Variants in CSMD1 observed in about 807,000 individuals in gnomAD.
The protein encoded by CSMD1 is CUB and Sushi multiple domains 1.
CSMD1 carries 213 observed loss-of-function variants against 417.5 expected under a neutral mutation model. That is an observed-to-expected ratio of 0.51 (90% CI 0.46 to 0.57). CSMD1 has a LOEUF of 0.57. CSMD1 is among the 20% of genes least tolerant of loss of function. CSMD1 has a pLI of 0.00. For synonymous variants in CSMD1, 2,862 were observed against 1,736.8 expected (o/e 1.65, Z -16.11); for missense variants, 6,923 against 4,529.7 (o/e 1.53, Z -15.17).
chr8:3,574,861 C>T (rs1003442676), intron 10 of CSMD1, 84 bp downstream of exon 10: 1 of 1,451,636 alleles, frequency 6.9e-7, no homozygotes, highest in Non-Finnish European at 9.4e-7. Context: ...GCACGGATAG[C>T]ATTTGCTGGG....
intron 5 of CSMD1, among the ~76,000 whole-genome samples, chr8:3,757,938 C>G (rs1191748904): frequency 6.6e-6 from 1 of 152,026 alleles, no homozygotes; most frequent in Non-Finnish European, 1.5e-5. Flanking sequence ...TAGTGTAATT[C>G]AGGTTTAAAA....
At chr8:3,672,982 T>C (rs936197689) in intron 7 of CSMD1, among the ~76,000 whole-genome samples, 1 of 152,352 alleles carries the variant, frequency 6.6e-6, no homozygotes, top group East Asian at 1.9e-4. Flanking sequence ...TTATTGTAAG[T>C]ACTTGTGTTG....
intron 7 of CSMD1, among the ~76,000 whole-genome samples, chr8:3,682,532 T>C (rs968561805): frequency 1.3e-5 from 2 of 152,194 alleles, no homozygotes; most frequent in East Asian, 1.9e-4. Context: ...CATTAAAAAG[T>C]CAGGAAACAA....
At chr8:4,247,041 T>G (rs1270789634) in intron 3 of CSMD1, among the ~76,000 whole-genome samples, 2 of 152,156 alleles carry the variant, frequency 1.3e-5, no homozygotes, top group South Asian at 4.1e-4. Flanking sequence ...ATTCAAAACC[T>G]TAAAATATAA....
chr8:3,471,649 C>CCT (rs1817110422), intron 11 of CSMD1, among the ~76,000 whole-genome samples: 1 of 140,392 alleles, frequency 7.1e-6, no homozygotes, highest in African/African-American at 2.6e-5. Flanking sequence ...TTCTTCCTCT[C>CCT]TCCTTCCTTC....
At chr8:4,815,905 G>C (rs1471004054) in intron 1 of CSMD1, among the ~76,000 whole-genome samples, 5 of 152,034 alleles carry the variant, frequency 3.3e-5, no homozygotes, top group East Asian at 1.9e-4. Flanking sequence ...TCTCATCTAG[G>C]CTTTCTAGGA....
At chr8:3,991,834 T>C (rs1421294917) in intron 5 of CSMD1, among the ~76,000 whole-genome samples, 3 of 152,208 alleles carry the variant, frequency 2.0e-5, no homozygotes, top group Non-Finnish European at 4.4e-5. Flanking sequence ...GCTTTTTGGA[T>C]GGTTGAATAT....
chr8:4,811,817 G>C (rs575302555), intron 1 of CSMD1, among the ~76,000 whole-genome samples: 2 of 152,014 alleles, frequency 1.3e-5, no homozygotes, highest in South Asian at 4.2e-4. Context: ...ATAGACATAG[G>C]AAAAGATGTG....
At chr8:3,963,663 G>C (rs1447480657) in intron 5 of CSMD1, among the ~76,000 whole-genome samples, 1 of 152,162 alleles carries the variant, frequency 6.6e-6, no homozygotes, top group Non-Finnish European at 1.5e-5. Flanking sequence ...ATGTGCGTAT[G>C]ATTTTGTATG....
At chr8:4,225,095 G>A (rs1017250438) in intron 3 of CSMD1, among the ~76,000 whole-genome samples, 1 of 152,172 alleles carries the variant, frequency 6.6e-6, no homozygotes, top group Admixed American at 6.5e-5. Context: ...CTGGGGAACA[G>A]AGTGAGACTC....
intron 5 of CSMD1, among the ~76,000 whole-genome samples, chr8:3,855,222 G>C (rs1427860585): frequency 6.6e-6 from 1 of 152,104 alleles, no homozygotes; most frequent in Admixed American, 6.6e-5. Context: ...GGCTGCGACA[G>C]CTATTTTGTA....
chr8:4,469,765 A>T (rs73178999), intron 2 of CSMD1, among the ~76,000 whole-genome samples: 22,321 of 152,166 alleles, frequency 0.15, 2,035 homozygotes, highest in South Asian at 0.25. Flanking sequence ...AGCCCTTGGA[A>T]TATGCCAGGC....
chr8:4,742,846 A>T (rs1810711877), intron 1 of CSMD1, among the ~76,000 whole-genome samples: 1 of 152,216 alleles, frequency 6.6e-6, no homozygotes, highest in African/African-American at 2.4e-5. Flanking sequence ...ATCAAATTGC[A>T]GTTACAATTC....
chr8:3,341,161 G>C (rs1016325861), intron 23 of CSMD1, among the ~76,000 whole-genome samples: 1 of 152,156 alleles, frequency 6.6e-6, no homozygotes, highest in Non-Finnish European at 1.5e-5. Flanking sequence ...GCAGGGCTGA[G>C]CCTCGCCCAC....
chr8:4,201,085 C>T (rs967263474), intron 3 of CSMD1, among the ~76,000 whole-genome samples: 1 of 152,122 alleles, frequency 6.6e-6, no homozygotes, highest in African/African-American at 2.4e-5. Context: ...AACCTTGGGC[C>T]AATGTCTTAC....
intron 8 of CSMD1, among the ~76,000 whole-genome samples, chr8:3,601,750 T>A (rs993687678): frequency 3.3e-5 from 5 of 152,200 alleles, no homozygotes; most frequent in African/African-American, 9.6e-5. Context: ...AACCAGTGCA[T>A]TGATTTGGGG....
At chr8:4,194,977 A>C (rs1370181676) in intron 3 of CSMD1, among the ~76,000 whole-genome samples, 1 of 152,216 alleles carries the variant, frequency 6.6e-6, no homozygotes, top group Non-Finnish European at 1.5e-5. Context: ...TGGACTATCT[A>C]GCTTTCTTTC....
At chr8:3,297,434 A>T (rs1450703815) in intron 25 of CSMD1, among the ~76,000 whole-genome samples, 1 of 152,230 alleles carries the variant, frequency 6.6e-6, no homozygotes, top group Non-Finnish European at 1.5e-5. Context: ...TATAAAGTAA[A>T]TCAGGAATTA....
At chr8:3,775,145 A>T (rs1453179991) in intron 5 of CSMD1, among the ~76,000 whole-genome samples, 1 of 152,250 alleles carries the variant, frequency 6.6e-6, no homozygotes. Context: ...AACTGCAGAT[A>T]AGGAGGAACT....
Sources: allele counts gnomAD v4.1 joint callset (sites outside exome capture counted in the v4.1 genomes callset), GRCh38; gene constraint gnomAD v4.1.1; transcripts MANE v1.5; gene names NCBI Gene and HGNC (gene_info 2026-07-23, HGNC 2026-07-21).